CADM1: variants seen among roughly 807,000 people sequenced by gnomAD.
CADM1 encodes TSLC-1.
A neutral mutation model predicts 53.1 loss-of-function variants in CADM1; 15 were observed. The ratio of observed to expected loss-of-function variants is 0.28; its 90% confidence interval spans 0.19 to 0.44. CADM1 has a LOEUF of 0.44. Ranked by LOEUF, CADM1 falls within the 20% of genes least tolerant of loss-of-function variation. The pLI is 1.00. For synonymous variants in CADM1, 281 were observed against 243.0 expected (o/e 1.16, Z -1.45); for missense variants, 434 against 611.3 (o/e 0.71, Z 3.06).
intron 1 of CADM1, among the ~76,000 whole-genome samples, chr11:115,429,588 GA>G (rs34149068): frequency 0.18 from 18,766 of 105,378 alleles, 1,436 homozygotes; most frequent in Non-Finnish European, 0.23. Context: ...CACAAGAGCA[GA>G]AAAAAAAAAA....
chr11:115,386,646 T>C (rs1946705667), intron 1 of CADM1, among the ~76,000 whole-genome samples: 1 of 152,174 alleles, frequency 6.6e-6, no homozygotes, highest in Non-Finnish European at 1.5e-5. Context: ...ACTTCTATTA[T>C]AACCTATTAG....
At chr11:115,329,555 C>G (rs771126402) in intron 1 of CADM1, among the ~76,000 whole-genome samples, 1 of 152,066 alleles carries the variant, frequency 6.6e-6, no homozygotes, top group Admixed American at 6.6e-5. Flanking sequence ...CCGGGGAGAG[C>G]ACTTTTGGGA....
chr11:115,504,358 C>T lies in CADM1; in HGVS notation c.37G>A (p.Ala13Thr). The change falls in exon 1 of 12, where the codon GCG (alanine) becomes ACG (threonine). Residue 13 changes from alanine (A) to threonine (T), a missense_variant. Transcript: ENST00000331581. ...GGCGCCGCCGCCGCCGCTGCCGCCG[C>T]ACACTGGGATCCGCTCGGCAGCACT... is the stretch of plus-strand genomic sequence containing the variant. ...SVVLPSGSQCAAAAAAAAPPG... is the reference protein window; with the variant it reads ...SVVLPSGSQCTAAAAAAAPPG... 6.5e-7 allele frequency: 1 copy of T among 1,548,646 alleles called. No individual in the cohort carries two copies. The highest frequency in any genetic ancestry group is 8.7e-7 in the Non-Finnish European group (1 of 1,146,340).
chr11:115,256,359 T>C (rs1591647292), intron 1 of CADM1, among the ~76,000 whole-genome samples: 1 of 152,328 alleles, frequency 6.6e-6, no homozygotes. Context: ...ATGAGCCTCA[T>C]AGAATGTCCA....
rs191839225 is a variant in CADM1 at position 115,388,775 on chromosome 11, G to A, written c.124+115496C>T. 2.6e-3 allele frequency among the ~76,000 whole-genome samples: 403 copies of A among 152,164 alleles called. 1 individual carries two copies. The highest frequency in any genetic ancestry group is 9.4e-3 in the African/African-American group (390 of 41,534). On this transcript the variant is annotated intron_variant, in intron 1 of 11. Coordinates refer to ENST00000331581, the MANE Select transcript of CADM1 (RefSeq NM_001301043.2). ...GTCAATGTCACAAAAGACAAAGAAAGCCTGAAGAACTGTTCCCCATTAAAG... is the reference window on the plus strand; with the variant it reads ...GTCAATGTCACAAAAGACAAAGAAAACCTGAAGAACTGTTCCCCATTAAAG...
At chr11:115,412,517 A>T (rs1387651056) in intron 1 of CADM1, among the ~76,000 whole-genome samples, 1 of 152,208 alleles carries the variant, frequency 6.6e-6, no homozygotes, top group African/African-American at 2.4e-5. Flanking sequence ...TGCTTTTTAA[A>T]AATGATTCAA....
chr11:115,291,376 T>C (rs944963501), intron 1 of CADM1, among the ~76,000 whole-genome samples: 4 of 152,342 alleles, frequency 2.6e-5, no homozygotes, highest in Admixed American at 2.0e-4. Flanking sequence ...AGATAGTCTT[T>C]TTATATGAAA....
chr11:115,413,958 A>T lies in CADM1; in HGVS notation c.124+90313T>A, dbSNP rs74971896. On this transcript the variant is annotated intron_variant, in intron 1 of 11. Coordinates refer to ENST00000331581, the MANE Select transcript of CADM1 (RefSeq NM_001301043.2). ...ACACCCGGCTCCAGTTCAGTTCTTA[A>T]CCATTATGCTAAAATTAATCTCAAG... 1.4e-3 allele frequency among the ~76,000 whole-genome samples: 220 copies of T among 151,994 alleles called. 1 individual carries two copies. The East Asian group carries it at 0.027, about 19-fold the overall frequency.
At chr11:115,347,735 A>G (rs1945618019) in intron 1 of CADM1, among the ~76,000 whole-genome samples, 1 of 152,174 alleles carries the variant, frequency 6.6e-6, no homozygotes, top group South Asian at 2.1e-4. Context: ...TGAAAACTAC[A>G]CCATGTCACT....
At chr11:115,463,585 T>C (rs1051237104) in intron 1 of CADM1, among the ~76,000 whole-genome samples, 1 of 152,214 alleles carries the variant, frequency 6.6e-6, no homozygotes, top group African/African-American at 2.4e-5. Flanking sequence ...TTCCTTTCCT[T>C]TGTAAAAATC....
intron 1 of CADM1, among the ~76,000 whole-genome samples, chr11:115,489,687 G>A (rs1168347024): frequency 6.6e-6 from 1 of 152,224 alleles, no homozygotes; most frequent in Non-Finnish European, 1.5e-5. Flanking sequence ...ATATAGAAGA[G>A]ACTCAGGCCA....
intron 8 of CADM1, among the ~76,000 whole-genome samples, chr11:115,202,378 G>A (rs1022516200): frequency 3.9e-5 from 6 of 151,978 alleles, no homozygotes; most frequent in East Asian, 1.9e-4. Flanking sequence ...CAAACACAAC[G>A]GGTGCCATAA....
intron 1 of CADM1, among the ~76,000 whole-genome samples, chr11:115,392,069 T>C (rs1053410917): frequency 6.6e-6 from 1 of 152,270 alleles, no homozygotes; most frequent in African/African-American, 2.4e-5. Context: ...CATATTCTCA[T>C]TACAGCCAGT....
chr11:115,251,974 C>T (rs1163368787), intron 1 of CADM1, among the ~76,000 whole-genome samples: 2 of 152,094 alleles, frequency 1.3e-5, no homozygotes, highest in Non-Finnish European at 2.9e-5. Flanking sequence ...CAAACTGGTG[C>T]CATTATAACA....
intron 1 of CADM1, among the ~76,000 whole-genome samples, chr11:115,461,196 T>C (rs1019414760): frequency 2.6e-5 from 4 of 152,150 alleles, no homozygotes; most frequent in African/African-American, 9.7e-5. Flanking sequence ...ATTTGTGGTT[T>C]AGTAGGGTGA....
rs760496607 is a variant in CADM1, at chr11:115,307,508, GAA to G, written c.125-67090_125-67089del. On this transcript the variant is annotated intron_variant, in intron 1 of 11. Transcript: ENST00000331581. The stretch of plus-strand genomic sequence containing the variant: ...ATGAATTTTCAACTATTTAAGCCAG[GAA>G]AAAAAAAATATATATATATATATAT... Among the ~76,000 whole-genome samples, 1,285 of 143,030 alleles carry G rather than the reference GAA, an allele frequency of 9.0e-3. 23 individuals are homozygous for G. The highest frequency in any genetic ancestry group is 0.03 in the African/African-American group (1,168 of 38,778). The allele number at this position is 143,030 out of a possible 152,430, so 93.8% of individuals were successfully genotyped here. A position where few individuals can be genotyped will look rare whatever the true frequency, so the allele number is the denominator to read the frequency against.
intron 1 of CADM1, 80 bp from the exon 2 acceptor site, chr11:115,240,500 C>G: frequency 6.9e-7 from 1 of 1,439,766 alleles, no homozygotes; most frequent in South Asian, 1.2e-5. Context: ...AAAGTGGGAA[C>G]TAGGCATATT....
At chr11:115,262,837 A>G (rs7121254) in intron 1 of CADM1, among the ~76,000 whole-genome samples, 77,976 of 151,726 alleles carry the variant, frequency 0.51, 21,561 homozygotes, top group Non-Finnish European at 0.62. Context: ...ATACCTAAAG[A>G]CTTACAGAAA....
At position 115,297,379 on chromosome 11, in the gene CADM1, G is replaced by T. The variant is rs116608101; in HGVS notation, c.125-56959C>A. The stretch of plus-strand genomic sequence containing the variant: ...TCAGGAACAAGATTGTATAAAAAAG[G>T]CTTCTTTGATCATTAGAGATACTGC... On this transcript the variant is annotated intron_variant, in intron 1 of 11. Coordinates refer to ENST00000331581, the MANE Select transcript of CADM1 (RefSeq NM_001301043.2). Among the ~76,000 whole-genome samples, 584 of 152,276 alleles carry T rather than the reference G, an allele frequency of 3.8e-3. 2 individuals are homozygous for T. The highest frequency in any genetic ancestry group is 0.011 in the African/African-American group (440 of 41,558).
Sources: gnomAD v4.1 joint callset for allele counts (sites outside exome capture counted in the v4.1 genomes callset) on GRCh38, gnomAD v4.1.1 for gene constraint, MANE v1.5 for transcripts, NCBI Gene and HGNC (gene_info 2026-07-23, HGNC 2026-07-21) for gene names.